ANKHD1: variants seen among roughly 807,000 people sequenced by gnomAD.
ANKHD1 encodes the protein ankyrin repeat and KH domain containing 1.
A neutral mutation model predicts 230.5 loss-of-function variants in ANKHD1; 31 were observed. That is an observed-to-expected ratio of 0.13 (90% confidence interval 0.10 to 0.18). The LOEUF (loss-of-function observed/expected upper bound fraction) is 0.18. Among genes scored for constraint, ANKHD1 ranks in the 10% least tolerant of loss-of-function variants. The pLI, the probability that ANKHD1 is intolerant of heterozygous loss-of-function variation, is 1.00. For synonymous variants in ANKHD1, 1,074 were observed against 1,117.6 expected, an observed-to-expected ratio of 0.96 and a Z score of 0.78; for missense variants, 2,256 against 3,071.3, an observed-to-expected ratio of 0.73 and a Z score of 6.27.
chr5:140,403,305 ATTTCT>A (rs1481325189), intron 1 of ANKHD1, among the ~76,000 whole-genome samples: 2 of 151,850 alleles, frequency 1.3e-5, no homozygotes, highest in African/African-American at 4.8e-5. Flanking sequence ...GAAGTCCTTC[ATTTCT>A]TTAACTCTTC....
intron 1 of ANKHD1, among the ~76,000 whole-genome samples, chr5:140,425,843 A>G (rs939184111): frequency 6.6e-6 from 1 of 152,124 alleles, no homozygotes; most frequent in Non-Finnish European, 1.5e-5. Context: ...ATTTTGGAGT[A>G]CTGTGTGTTT....
chr5:140,502,901 A>G (rs1270718626), intron 15 of ANKHD1, among the ~76,000 whole-genome samples: 1 of 152,186 alleles, frequency 6.6e-6, no homozygotes, highest in East Asian at 1.9e-4. Context: ...CTAAATAGTT[A>G]AATTATGTTA....
chr5:140,539,481 G>C lies in ANKHD1; in HGVS notation c.*63G>C, dbSNP rs1754211642. The C allele has an allele frequency of 3.3e-6, 5 of 1,529,156 alleles. No individual in the cohort carries two copies. The highest frequency in any genetic ancestry group is 4.4e-6 in the Non-Finnish European group (5 of 1,134,284). 94.7% of individuals were successfully genotyped at this position (1,529,156 alleles called of 1,614,324 possible). Reference sequence around the variant, plus strand: ...CCTATGACCTTGGAAGAACCATGGGGATTTTTTTTTAATGTGCCTAAGAAA... The same window carrying C: ...CCTATGACCTTGGAAGAACCATGGGCATTTTTTTTTAATGTGCCTAAGAAA... On this transcript the variant is annotated 3_prime_UTR_variant, in exon 34 of 34. Transcript: ENST00000360839.
intron 10 of ANKHD1, chr5:140,465,321 A>C (rs1776008346): frequency 6.6e-6 from 1 of 152,234 alleles, no homozygotes; most frequent in Non-Finnish European, 1.5e-5. Context: ...CTTCTAGTAC[A>C]TTCCTACAAA....
chr5:140,517,231 A>G (rs1379382262), intron 24 of ANKHD1, among the ~76,000 whole-genome samples: 1 of 134,044 alleles, frequency 7.5e-6, no homozygotes, highest in East Asian at 2.2e-4. Flanking sequence ...ATTCAACAAG[A>G]AGAGCTAACT....
intron 5 of ANKHD1, among the ~76,000 whole-genome samples, chr5:140,444,092 T>A (rs1432492922): frequency 7.9e-6 from 1 of 127,338 alleles, no homozygotes; most frequent in African/African-American, 2.9e-5. Context: ...CCCCCCCCCT[T>A]TTTTTTTTTT....
In ANKHD1 at chr5:140,514,316, A is replaced by G. The variant is rs1752890098; in HGVS notation, c.4317+837A>G. 2.0e-5 allele frequency among the ~76,000 whole-genome samples: 3 copies of G among 151,438 alleles called. No homozygotes were observed. In the South Asian group the frequency reaches 6.3e-4, roughly 32 times the overall value. On this transcript the variant is annotated intron_variant, in intron 24 of 33. Transcript: ENST00000360839. ...TTGAGACCAGCCTGGGCAACATGGC[A>G]AAACCCCATCTCTACAAAAAACAAA... is the stretch of plus-strand genomic sequence containing the variant.
intron 14 of ANKHD1, among the ~76,000 whole-genome samples, chr5:140,487,447 T>C (rs757229634): frequency 1.3e-5 from 2 of 152,216 alleles, no homozygotes; most frequent in Non-Finnish European, 2.9e-5. Context: ...CTTTGTAACA[T>C]TGATTCAGTT....
chr5:140,509,590 TAAAAA>T, intron 20 of ANKHD1, 42 bp from the exon 21 acceptor site: 1 of 1,461,724 alleles, frequency 6.8e-7, no homozygotes, highest in East Asian at 2.5e-5. Flanking sequence ...ACGGAATAGT[TAAAAA>T]AAGAAATGTA....
chr5:140,532,671 A>G lies in ANKHD1; in HGVS notation c.6851-2691A>G, dbSNP rs1753885812. 2.0e-5 allele frequency among the ~76,000 whole-genome samples: 3 copies of G among 152,248 alleles called. No homozygotes were observed. In the South Asian group the frequency reaches 6.2e-4, roughly 32 times the overall value. ...TGGTCATGAATGCACAATTCTGTGA[A>G]TATACAAAAAGCTACTGAATAGTAT... is the stretch of plus-strand genomic sequence containing the variant. On this transcript the variant is annotated intron_variant, in intron 29 of 33. Coordinates refer to ENST00000360839, the MANE Select transcript of ANKHD1 (RefSeq NM_017747.3).
Position 140,506,308 on chromosome 5 carries a change from T to TG in ANKHD1, c.3408+439_3408+440insG, listed in dbSNP as rs1209406750. Among the ~76,000 whole-genome samples, 1 of 152,168 alleles carries TG rather than the reference T, an allele frequency of 6.6e-6. No individual in the cohort carries two copies. The highest frequency in any genetic ancestry group is 2.4e-5 in the African/African-American group (1 of 41,430). ...TTTTATGGGAATGTAAATGCCCTTT[T>TG]TTTTTGGCGGGGGTTTGTGGAGGGA... On this transcript the variant is annotated intron_variant, in intron 18 of 33. Coordinates refer to ENST00000360839, the MANE Select transcript of ANKHD1 (RefSeq NM_017747.3). The surrounding 1 kb of genome is among the most constrained non-coding windows in gnomAD (Gnocchi z 4.7).
intron 1 of ANKHD1, among the ~76,000 whole-genome samples, chr5:140,425,351 C>A (rs1393995133): frequency 6.6e-6 from 1 of 152,110 alleles, no homozygotes; most frequent in Non-Finnish European, 1.5e-5. Flanking sequence ...CCTCTACCTT[C>A]TCCAGCTCAA....
intron 5 of ANKHD1, among the ~76,000 whole-genome samples, chr5:140,443,398 C>CT (rs1285985865): frequency 6.6e-5 from 10 of 151,646 alleles, no homozygotes; most frequent in African/African-American, 2.4e-4. Context: ...TTGAAAAATA[C>CT]CCAAAAAAAA....
intron 15 of ANKHD1, chr5:140,498,237 C>G (rs989909838): frequency 1.3e-5 from 2 of 152,200 alleles, no homozygotes; most frequent in Non-Finnish European, 2.9e-5. Context: ...TTTTTCCTTA[C>G]TGTTGTCTGT....
chr5:140,412,316 C>A (rs1046199730), intron 1 of ANKHD1, among the ~76,000 whole-genome samples: 1 of 152,152 alleles, frequency 6.6e-6, no homozygotes, highest in African/African-American at 2.4e-5. Flanking sequence ...AGGCGTGAGC[C>A]ACCGTGCCCG....
rs550440399 is a variant in ANKHD1 at position 140,457,321 on chromosome 5, A to G, written c.1243-1304A>G. Among the ~76,000 whole-genome samples, 197 of 152,346 alleles carry G rather than the reference A, an allele frequency of 1.3e-3. 4 individuals carry two copies. Among genetic ancestry groups the G allele is most frequent in the Admixed American group, 1.6e-3 (24 of 15,308 alleles). On this transcript the variant is annotated intron_variant, in intron 7 of 33. Coordinates refer to ENST00000360839, the MANE Select transcript of ANKHD1 (RefSeq NM_017747.3). Reference sequence around the variant, plus strand: ...CGATTCCTCAAGGATCTAGAACTAGAAATACCATTTGACCCAGCAATCCCA... The same window carrying G: ...CGATTCCTCAAGGATCTAGAACTAGGAATACCATTTGACCCAGCAATCCCA...
intron 1 of ANKHD1, among the ~76,000 whole-genome samples, chr5:140,411,311 C>G (rs1770901148): frequency 6.6e-6 from 1 of 152,170 alleles, no homozygotes; most frequent in South Asian, 2.1e-4. Flanking sequence ...TTGCCCAGAT[C>G]ACACAGTTAA....
At chr5:140,513,609 G>C in intron 24 of ANKHD1, 130 bp downstream of exon 24, 1 of 804,950 alleles carries the variant, frequency 1.2e-6, no homozygotes, top group Non-Finnish European at 1.9e-6. Flanking sequence ...AGGAGTTCAA[G>C]ACCAGCCTTG....
At chr5:140,412,060 G>A (rs551444230) in intron 1 of ANKHD1, among the ~76,000 whole-genome samples, 110 of 151,430 alleles carry the variant, frequency 7.3e-4, no homozygotes, top group African/African-American at 2.4e-3. Context: ...AATTTTTTCC[G>A]ACACACAGTC....
Sources: allele counts gnomAD v4.1 joint callset (sites outside exome capture counted in the v4.1 genomes callset), GRCh38; gene constraint gnomAD v4.1.1; non-coding constraint Gnocchi (gnomAD v3.1); transcripts MANE v1.5; gene names NCBI Gene and HGNC (gene_info 2026-07-23, HGNC 2026-07-21).